Variants in SLC4A10 observed in about 807,000 individuals in gnomAD.
SLC4A10 encodes sodium-driven chloride bicarbonate exchanger.
A neutral mutation model predicts 137.7 loss-of-function variants in SLC4A10; 42 were observed. The observed-to-expected ratio is 0.30, with a 90% CI of 0.24 to 0.39. SLC4A10 has a LOEUF of 0.39. Among genes scored for constraint, SLC4A10 ranks in the 10% least tolerant of loss-of-function variants. SLC4A10 has a pLI of 1.00. For missense variants in SLC4A10, 925 were observed against 1,355.0 expected (o/e 0.68, Z 4.98); for synonymous variants, 474 against 464.1 (o/e 1.02, Z -0.27).
chr2:161,894,591 T>C, intron 10 of SLC4A10, 88 bp from the exon 11 acceptor site: 1 of 610,760 alleles, frequency 1.6e-6, no homozygotes, highest in African/African-American at 1.9e-5. Context: ...TATAATCACA[T>C]GTGAGATAAC....
intron 25 of SLC4A10, chr2:161,977,303 C>G (rs1699535066): frequency 2.2e-6 from 1 of 448,372 alleles, no homozygotes. Context: ...TAGTATAGTT[C>G]TAGTCCTGAC....
In SLC4A10 at chr2:161,670,695, A is replaced by G. The variant is rs1027370364; in HGVS notation, c.48+46129A>G. On this transcript the variant is annotated intron_variant, in intron 1 of 26. Transcript: ENST00000446997. ...GTGTTTTTATAGTTTGGTCCAACCC[A>G]ATTTCCCTTTATTAGTTTTGCAAAA... 2.0e-5 allele frequency among the ~76,000 whole-genome samples: 3 copies of G among 152,090 alleles called. No homozygotes were observed. The East Asian group carries it at 5.8e-4, about 29-fold the overall frequency.
At chr2:161,977,863 G>A in intron 26 of SLC4A10, 103 bp downstream of exon 26, 1 of 1,020,812 alleles carries the variant, frequency 9.8e-7, no homozygotes. Context: ...TGAGTTTTGG[G>A]GAGGCAAAAG....
intron 1 of SLC4A10, among the ~76,000 whole-genome samples, chr2:161,700,077 C>T (rs4309587): frequency 0.046 from 7,028 of 152,110 alleles, 256 homozygotes; most frequent in South Asian, 0.071. Flanking sequence ...ATGAACAAAA[C>T]TTGAGGCCTT....
At chr2:161,783,479 A>G (rs1171179773) in intron 2 of SLC4A10, among the ~76,000 whole-genome samples, 1 of 152,050 alleles carries the variant, frequency 6.6e-6, no homozygotes, top group Non-Finnish European at 1.5e-5. Flanking sequence ...TAATACTGCA[A>G]TAGTGGTAGG....
chr2:161,639,009 A>G (rs1055286174), intron 1 of SLC4A10, among the ~76,000 whole-genome samples: 1 of 152,034 alleles, frequency 6.6e-6, no homozygotes, highest in Non-Finnish European at 1.5e-5. Flanking sequence ...CAACTATACA[A>G]CAAAAAATTG....
chr2:161,918,990 T>TC (rs1329016488), intron 15 of SLC4A10, among the ~76,000 whole-genome samples: 1 of 152,040 alleles, frequency 6.6e-6, no homozygotes, highest in Non-Finnish European at 1.5e-5. Context: ...GAAAGCCCCC[T>TC]CCCCCCATAG....
At chr2:161,978,527 G>A (rs553364333) in intron 26 of SLC4A10, among the ~76,000 whole-genome samples, 37 of 152,244 alleles carry the variant, frequency 2.4e-4, no homozygotes, top group African/African-American at 8.2e-4. Context: ...GGAAACATGG[G>A]CAAGAGAAAG....
At chr2:161,633,341 C>T (rs535720920) in intron 1 of SLC4A10, among the ~76,000 whole-genome samples, 3 of 151,680 alleles carry the variant, frequency 2.0e-5, no homozygotes, top group African/African-American at 7.2e-5. Context: ...TTGTGCTGCT[C>T]TCACAGAACC....
Position 161,800,743 on chromosome 2 carries a change from G to A in SLC4A10, c.131-3706G>A, listed in dbSNP as rs370108939. Reference sequence around the variant, plus strand: ...CTTAGTGGATAACAGCAACCATGAGGCAAAGTATGTAGTGAGTAATGTCGA... The same window carrying A: ...CTTAGTGGATAACAGCAACCATGAGACAAAGTATGTAGTGAGTAATGTCGA... On this transcript the variant is annotated intron_variant, in intron 2 of 26. Coordinates refer to ENST00000446997, the MANE Select transcript of SLC4A10 (RefSeq NM_001178015.2). Among the ~76,000 whole-genome samples the A allele has an allele frequency of 3.1e-4, 47 of 152,174 alleles. No individual in the cohort carries two copies. The South Asian group carries it at 5.6e-3, about 18-fold the overall frequency.
At chr2:161,791,251 T>A (rs1458327888) in intron 2 of SLC4A10, among the ~76,000 whole-genome samples, 2 of 151,918 alleles carry the variant, frequency 1.3e-5, no homozygotes, top group East Asian at 3.9e-4. Context: ...ATAAAGAAAA[T>A]GTTGCACATG....
At chr2:161,931,500 C>T (rs1351216991) in intron 15 of SLC4A10, 1 of 152,170 alleles carries the variant, frequency 6.6e-6, no homozygotes, top group African/African-American at 2.4e-5. Context: ...TTGCCCCAAT[C>T]CAGCCTTTTT....
intron 5 of SLC4A10, among the ~76,000 whole-genome samples, chr2:161,858,560 T>C (rs1372526542): frequency 6.6e-6 from 1 of 152,200 alleles, no homozygotes; most frequent in Non-Finnish European, 1.5e-5. Context: ...TCCAGATATA[T>C]CTTCTTACCA....
At chr2:161,942,581 G>T (rs547741555) in intron 15 of SLC4A10, among the ~76,000 whole-genome samples, 78 of 152,160 alleles carry the variant, frequency 5.1e-4, no homozygotes, top group African/African-American at 1.7e-3. Context: ...CTCATTCCAG[G>T]AAACACTGTA....
At chr2:161,737,133 A>T (rs1286198964) in intron 1 of SLC4A10, among the ~76,000 whole-genome samples, 1 of 152,100 alleles carries the variant, frequency 6.6e-6, no homozygotes, top group African/African-American at 2.4e-5. Flanking sequence ...TGCTTTGATC[A>T]CAAGTGTGAG....
intron 2 of SLC4A10, among the ~76,000 whole-genome samples, chr2:161,784,327 C>T (rs1009211054): frequency 6.6e-6 from 1 of 151,726 alleles, no homozygotes; most frequent in Non-Finnish European, 1.5e-5. Flanking sequence ...ATGGGTAAAA[C>T]ATATTATCCA....
intron 1 of SLC4A10, among the ~76,000 whole-genome samples, chr2:161,689,140 T>A (rs965347328): frequency 3.3e-5 from 5 of 152,174 alleles, no homozygotes; most frequent in Non-Finnish European, 7.3e-5. Flanking sequence ...AAAATTAAAA[T>A]GTTTGTAAAG....
chr2:161,672,676 T>A lies in SLC4A10; in HGVS notation c.48+48110T>A, dbSNP rs372362632. 1.6e-4 allele frequency among the ~76,000 whole-genome samples: 24 copies of A among 152,296 alleles called. No individual in the cohort carries two copies. The East Asian group carries it at 4.4e-3, about 28-fold the overall frequency. On this transcript the variant is annotated intron_variant, in intron 1 of 26. Coordinates refer to ENST00000446997, the MANE Select transcript of SLC4A10 (RefSeq NM_001178015.2). ...CAACTTCTGTCCTTTCAAGATTATATAGCAATTCACAATTTAGCAAAATGT... is the reference window on the plus strand; with the variant it reads ...CAACTTCTGTCCTTTCAAGATTATAAAGCAATTCACAATTTAGCAAAATGT...
At chr2:161,778,187 T>G (rs1377193681) in intron 2 of SLC4A10, among the ~76,000 whole-genome samples, 1 of 151,940 alleles carries the variant, frequency 6.6e-6, no homozygotes, top group African/African-American at 2.4e-5. Flanking sequence ...CAATGCCAAA[T>G]TAACACCTTC....
Sources: gnomAD v4.1 joint callset for allele counts (sites outside exome capture counted in the v4.1 genomes callset) on GRCh38, gnomAD v4.1.1 for gene constraint, MANE v1.5 for transcripts, NCBI Gene and HGNC (gene_info 2026-07-23, HGNC 2026-07-21) for gene names.